The following FHIP1A variants were observed in gnomAD, a reference collection of about 807,000 sequenced individuals.
FHIP1A encodes the protein FHF complex subunit HOOK-interacting protein 1A.
In FHIP1A, 61 loss-of-function variants were observed where a neutral mutation model predicts 88.6. The observed-to-expected ratio is 0.69, with a 90% CI of 0.56 to 0.85. The LOEUF is 0.85. Ranked by LOEUF, FHIP1A falls within the 40% of genes least tolerant of loss-of-function variation. FHIP1A has a pLI of 0.00. For missense variants in FHIP1A, 1,154 were observed against 1,273.5 expected, an observed-to-expected ratio of 0.91 and a Z score of 1.43; for synonymous variants, 478 against 496.0, an observed-to-expected ratio of 0.96 and a Z score of 0.48.
chr4:151,618,885 C>T (rs1415002423), intron 7 of FHIP1A, among the ~76,000 whole-genome samples: 1 of 152,192 alleles, frequency 6.6e-6, no homozygotes, highest in Non-Finnish European at 1.5e-5. Context: ...TCTGGAGACC[C>T]TGAGAGAATC....
intron 1 of FHIP1A, among the ~76,000 whole-genome samples, chr4:151,438,244 C>T (rs1440698737): frequency 6.6e-6 from 1 of 152,110 alleles, no homozygotes; most frequent in Non-Finnish European, 1.5e-5. Context: ...TTGCCTACTA[C>T]GTGTGTGTAA....
intron 3 of FHIP1A, among the ~76,000 whole-genome samples, chr4:151,506,664 T>TC (rs1405265621): frequency 1.3e-5 from 2 of 152,128 alleles, no homozygotes; most frequent in Non-Finnish European, 2.9e-5. Context: ...GAGAAGTTAT[T>TC]CACTCCTAAG....
chr4:151,568,690 A>G (rs72952800), intron 4 of FHIP1A, among the ~76,000 whole-genome samples: 31 of 152,308 alleles, frequency 2.0e-4, no homozygotes, highest in African/African-American at 7.2e-4. Flanking sequence ...TTATTACAAA[A>G]TGAATAACCA....
chr4:151,502,700 G>A (rs1652832823), intron 3 of FHIP1A, among the ~76,000 whole-genome samples: 2 of 152,192 alleles, frequency 1.3e-5, no homozygotes, highest in Admixed American at 6.5e-5. Context: ...TAGACATTGA[G>A]TACAGAAGGA....
In FHIP1A at chr4:151,566,206, C is replaced by T; in HGVS notation, c.-54C>T. ...AAACTTGAAAGTTAGTGACGGCTTA[C>T]CAAATTTTAATGAAAATTAAATATG... On this transcript the variant is annotated 5_prime_UTR_variant, in exon 4 of 14. Transcript: ENST00000435205. 2 of 1,200,236 alleles carry T rather than the reference C, an allele frequency of 1.7e-6. No individual in the cohort carries two copies. Among genetic ancestry groups the T allele is most frequent in the Non-Finnish European group, 2.3e-6 (2 of 865,134 alleles). 74.3% of individuals were successfully genotyped at this position (1,200,236 alleles called of 1,614,324 possible). A position where few individuals can be genotyped will look rare whatever the true frequency, so the allele number is the denominator to read the frequency against.
At chr4:151,452,425 GT>G (rs1179153233) in intron 1 of FHIP1A, among the ~76,000 whole-genome samples, 1 of 152,018 alleles carries the variant, frequency 6.6e-6, no homozygotes, top group Non-Finnish European at 1.5e-5. Context: ...AATTTTTCTG[GT>G]TATAAAAGTG....
chr4:151,539,345 G>T (rs1475683977), intron 3 of FHIP1A, among the ~76,000 whole-genome samples: 4 of 152,130 alleles, frequency 2.6e-5, no homozygotes, highest in Non-Finnish European at 4.4e-5. Flanking sequence ...GCTTTGGGAG[G>T]CTGAGGCAGG....
intron 2 of FHIP1A, among the ~76,000 whole-genome samples, chr4:151,481,607 T>A (rs1452155711): frequency 2.0e-5 from 3 of 152,054 alleles, no homozygotes; most frequent in Admixed American, 2.0e-4. Context: ...ATTAAGAAAG[T>A]AAAGGAATAA....
chr4:151,517,002 C>T (rs560723182), intron 3 of FHIP1A, among the ~76,000 whole-genome samples: 130 of 152,224 alleles, frequency 8.5e-4, no homozygotes, highest in South Asian at 4.2e-3. Flanking sequence ...CACATGCACA[C>T]GTATGTTTAT....
In FHIP1A at chr4:151,596,650, C is replaced by T. The variant is rs190476421; in HGVS notation, c.978+7724C>T. Among the ~76,000 whole-genome samples the T allele has an allele frequency of 1.9e-3, 286 of 152,322 alleles. 2 individuals carry two copies. Among genetic ancestry groups the T allele is most frequent in the Middle Eastern group, 0.014 (4 of 294 alleles). Reference sequence around the variant, plus strand: ...TTGGCTTCATTATCCCCGTCACTTTCAGGTACACCAATTAAACATAGGTTT... The same window carrying T: ...TTGGCTTCATTATCCCCGTCACTTTTAGGTACACCAATTAAACATAGGTTT... On this transcript the variant is annotated intron_variant, in intron 7 of 13. Coordinates refer to ENST00000435205, the MANE Select transcript of FHIP1A (RefSeq NM_001109977.3).
intron 1 of FHIP1A, among the ~76,000 whole-genome samples, chr4:151,443,731 C>T (rs1728495202): frequency 3.3e-5 from 2 of 61,300 alleles, no homozygotes; most frequent in Admixed American, 1.7e-4. Flanking sequence ...GTGTTTAGTA[C>T]TGGGTTGTCT....
intron 3 of FHIP1A, among the ~76,000 whole-genome samples, chr4:151,524,121 C>T (rs1248073889): frequency 6.6e-6 from 1 of 152,088 alleles, no homozygotes; most frequent in Non-Finnish European, 1.5e-5. Flanking sequence ...ACCATCCTGG[C>T]TAACACAGTG....
chr4:151,508,995 C>G (rs564932306), intron 3 of FHIP1A, among the ~76,000 whole-genome samples: 1 of 152,280 alleles, frequency 6.6e-6, no homozygotes, highest in Admixed American at 6.5e-5. Flanking sequence ...AAATTCCTCT[C>G]TTTGAGCAGG....
At chr4:151,469,934 C>T (rs1346071724) in intron 2 of FHIP1A, among the ~76,000 whole-genome samples, 1 of 152,154 alleles carries the variant, frequency 6.6e-6, no homozygotes, top group African/African-American at 2.4e-5. Context: ...GCCCTTGTAA[C>T]TTACATTACA....
At chr4:151,623,494 A>C (rs1578831081) in intron 7 of FHIP1A, among the ~76,000 whole-genome samples, 9 of 134,710 alleles carry the variant, frequency 6.7e-5, no homozygotes, top group South Asian at 2.4e-4. Context: ...TTCTTTTGCC[A>C]CCAACACTCC....
At chr4:151,434,391 T>G (rs573453316) in intron 1 of FHIP1A, among the ~76,000 whole-genome samples, 3 of 152,234 alleles carry the variant, frequency 2.0e-5, no homozygotes, top group Non-Finnish European at 4.4e-5. Context: ...ATATAAGGAC[T>G]CAGCATATTC....
chr4:151,578,160 T>G lies in FHIP1A; in HGVS notation c.732+84T>G, dbSNP rs563978251. The G allele has an allele frequency of 1.6e-5, 21 of 1,273,496 alleles. No homozygotes were observed. In the African/African-American group the frequency reaches 2.7e-4, roughly 16 times the overall value. 78.9% of individuals were successfully genotyped at this position (1,273,496 alleles called of 1,614,324 possible). ...GTGATGAATACTTTCTTACTCCCTT[T>G]TTTTCTCCCAGTAAGTTGTACTTGG... On this transcript the variant is annotated intron_variant, in intron 5 of 13. Transcript: ENST00000435205.
chr4:151,541,963 G>A (rs191607844), intron 3 of FHIP1A, among the ~76,000 whole-genome samples: 38 of 152,316 alleles, frequency 2.5e-4, no homozygotes, highest in Middle Eastern at 3.4e-3. Context: ...GAGAATCTCT[G>A]ACTGGCCTGT....
At chr4:151,590,315 A>G (rs1734376040) in intron 7 of FHIP1A, among the ~76,000 whole-genome samples, 1 of 152,182 alleles carries the variant, frequency 6.6e-6, no homozygotes, top group Non-Finnish European at 1.5e-5. Flanking sequence ...TTATTATAAT[A>G]GTGATAATTA....
Sources: allele counts gnomAD v4.1 joint callset (sites outside exome capture counted in the v4.1 genomes callset), GRCh38; gene constraint gnomAD v4.1.1; transcripts MANE v1.5; gene names NCBI Gene and HGNC (gene_info 2026-07-23, HGNC 2026-07-21).